CASP8: variants seen among roughly 807,000 people sequenced by gnomAD.
The protein encoded by CASP8 is caspase 8, also known as caspase-8.
Under a neutral mutation model 46.3 loss-of-function variants are expected in CASP8, and 24 were observed. The observed-to-expected ratio is 0.52, with a 90% CI of 0.38 to 0.73. CASP8 has a LOEUF of 0.73. Ranked by LOEUF, CASP8 falls within the 30% of genes least tolerant of loss-of-function variation. CASP8 has a pLI of 0.00. For synonymous variants in CASP8, 188 were observed against 200.4 expected (o/e 0.94, Z 0.52); for missense variants, 460 against 559.0 (o/e 0.82, Z 1.79).
In CASP8 at chr2:201,272,067, CTCTGTA is replaced by C. The variant is rs1296195275; in HGVS notation, c.411+448_411+453del. Among the ~76,000 whole-genome samples, 54 of 151,064 alleles carry C rather than the reference CTCTGTA, an allele frequency of 3.6e-4. No individual in the cohort carries two copies. The highest frequency in any genetic ancestry group is 1.3e-3 in the African/African-American group (53 of 41,122). On this transcript the variant is annotated intron_variant, in intron 3 of 8. Transcript: ENST00000673742. This position sits in a 1 kb window ranked among gnomAD's most constrained non-coding sequence, Gnocchi z 4.4. ...GTGTGATATGTGTATCTCTGTGTGTCTCTGTATAAGTGGTGTGTGTGTCTGTGTATC... is the reference window on the plus strand; with the variant it reads ...GTGTGATATGTGTATCTCTGTGTGTCTAAGTGGTGTGTGTGTCTGTGTATC...
At chr2:201,235,776 A>T (rs1016202197) in intron 2 of CASP8, among the ~76,000 whole-genome samples, 2 of 152,346 alleles carry the variant, frequency 1.3e-5, no homozygotes, top group East Asian at 1.9e-4. Context: ...TCAGTCAATG[A>T]CCGACCACAT....
chr2:201,284,914 C>A lies in CASP8; in HGVS notation c.901C>A (p.Leu301Ile), dbSNP rs936118434. The change falls in exon 8 of 9, where the codon CTC becomes ATC. Residue 301 changes from leucine to isoleucine, a missense_variant. Transcript: ENST00000673742. The part of the protein sequence containing the change: ...QIYEILKIYQ[L>I]MDHSNMDCFI... ...CTATGAGATTTTGAAAATCTACCAA[C>A]TCATGGACCACAGTAACATGGACTG... 6.2e-7 allele frequency: 1 copy of A among 1,614,018 alleles called. No homozygotes were observed. The highest frequency in any genetic ancestry group is 8.5e-7 in the Non-Finnish European group (1 of 1,180,028).
intron 6 of CASP8, among the ~76,000 whole-genome samples, chr2:201,276,181 A>G (rs1276719367): frequency 6.6e-6 from 1 of 152,168 alleles, no homozygotes; most frequent in African/African-American, 2.4e-5. Flanking sequence ...ACACAGCGCC[A>G]TCCCTGGCCA....
intron 2 of CASP8, among the ~76,000 whole-genome samples, chr2:201,244,576 T>G (rs1252520635): frequency 6.6e-6 from 1 of 152,026 alleles, no homozygotes; most frequent in Non-Finnish European, 1.5e-5. Context: ...AAAAAAAAAG[T>G]TTCTCTTCTG....
In CASP8 at chr2:201,266,343, T is replaced by A; in HGVS notation, c.-26-118T>A. The A allele has an allele frequency of 1.3e-6, 1 of 764,980 alleles. No individual in the cohort carries two copies. The highest frequency in any genetic ancestry group is 1.6e-5 in the South Asian group (1 of 62,528). The allele number at this position is 764,980 out of a possible 1,614,324, so 47.4% of individuals were successfully genotyped here. A position where few individuals can be genotyped will look rare whatever the true frequency, so the allele number is the denominator to read the frequency against. On this transcript the variant is annotated intron_variant, in intron 1 of 8. Coordinates refer to ENST00000673742, the MANE Select transcript of CASP8 (RefSeq NM_001372051.1). This position sits in a 1 kb window ranked among gnomAD's most constrained non-coding sequence, Gnocchi z 5.7. ...GGGAACTTGTCTGGTGTTCTTTTTT[T>A]CTCTCCTGTGCTGACAGCACAATGA...
Position 201,266,874 on chromosome 2 carries a change from T to G in CASP8, c.305+83T>G. On this transcript the variant is annotated intron_variant, in intron 2 of 8. Transcript: ENST00000673742. The surrounding 1 kb of genome is among the most constrained non-coding windows in gnomAD (Gnocchi z 5.7). ...AGCTGATTGGGGCTTTTTTTTGTGG[T>G]ACCCTGCCTAGTGCCTGGGAACCCA... The G allele has an allele frequency of 3.0e-6, 3 of 987,022 alleles. No individual in the cohort carries two copies. The highest frequency in any genetic ancestry group is 3.0e-6 in the Non-Finnish European group (2 of 668,392). 61.1% of individuals were successfully genotyped at this position (987,022 alleles called of 1,614,324 possible).
At chr2:201,278,504 AT>A (rs1392676522) in intron 7 of CASP8, among the ~76,000 whole-genome samples, 5 of 148,470 alleles carry the variant, frequency 3.4e-5, no homozygotes, top group African/African-American at 7.5e-5. Flanking sequence ...CATTTCAGTT[AT>A]TTTTTTCTAT....
chr2:201,259,839 A>G (rs186993734), upstream of CASP8, among the ~76,000 whole-genome samples: 3 of 152,150 alleles, frequency 2.0e-5, no homozygotes, highest in African/African-American at 7.2e-5. Flanking sequence ...ACCTTTGGTA[A>G]GATGGACTTA....
At chr2:201,238,013 A>G (rs934648191) in intron 2 of CASP8, among the ~76,000 whole-genome samples, 16 of 152,260 alleles carry the variant, frequency 1.1e-4, no homozygotes, top group African/African-American at 3.9e-4. Flanking sequence ...ATGTGCAAGA[A>G]GAACGTGAAT....
chr2:201,244,402 G>A (rs1946423290), intron 2 of CASP8, among the ~76,000 whole-genome samples: 1 of 152,202 alleles, frequency 6.6e-6, no homozygotes, highest in Admixed American at 6.5e-5. Context: ...AGAGAAGGAA[G>A]GTTAGATTCC....
intron 7 of CASP8, among the ~76,000 whole-genome samples, chr2:201,279,165 A>T (rs544911570): frequency 6.6e-6 from 1 of 152,356 alleles, no homozygotes; most frequent in African/African-American, 2.4e-5. Context: ...AGATTCTTTG[A>T]AAGCCTATAT....
chr2:201,260,470 G>A (rs184512527), upstream of CASP8: 1,181 of 887,764 alleles, frequency 1.3e-3, 15 homozygotes, highest in Middle Eastern at 0.018. Flanking sequence ...CCCCTCTAGT[G>A]TTTGTGACTC....
chr2:201,285,380 C>CTACT, intron 8 of CASP8, 63 bp downstream of exon 8: 1 of 1,554,724 alleles, frequency 6.4e-7, no homozygotes, highest in Middle Eastern at 2.3e-4. Context: ...CTCCATCACA[C>CTACT]TACTATCTAC....
In CASP8 at chr2:201,266,706, T is replaced by C; in HGVS notation, c.220T>C (p.Leu74=). The C allele has an allele frequency of 1.9e-6, 3 of 1,614,142 alleles. No individual in the cohort carries two copies. Among genetic ancestry groups the C allele is most frequent in the Non-Finnish European group, 2.5e-6 (3 of 1,180,004 alleles). The change falls in exon 2 of 9, where the codon TTG becomes CTG. Residue 74 remains leucine (L), a synonymous_variant. Coordinates refer to ENST00000673742, the MANE Select transcript of CASP8 (RefSeq NM_001372051.1). This position sits in a 1 kb window ranked among gnomAD's most constrained non-coding sequence, Gnocchi z 5.7. ...ELLFRINRLD[L]LITYLNTRKE... ...GCTCTTCCGAATTAATAGACTGGATTTGCTGATTACCTACCTAAACACTAG... is the reference window on the plus strand; with the variant it reads ...GCTCTTCCGAATTAATAGACTGGATCTGCTGATTACCTACCTAAACACTAG...
intron 2 of CASP8, among the ~76,000 whole-genome samples, chr2:201,267,240 G>C (rs1947887007): frequency 6.6e-6 from 1 of 151,866 alleles, no homozygotes; most frequent in Non-Finnish European, 1.5e-5. Flanking sequence ...GATGCCTCTC[G>C]ATATCCAGAT....
At chr2:201,262,978 C>CT (rs1947531148) in intron 1 of CASP8, among the ~76,000 whole-genome samples, 1 of 152,210 alleles carries the variant, frequency 6.6e-6, no homozygotes, top group African/African-American at 2.4e-5. Context: ...GCCACGTTAG[C>CT]ATTTTCCCTT....
At chr2:201,238,403 G>C (rs1946147389) in intron 2 of CASP8, among the ~76,000 whole-genome samples, 1 of 152,056 alleles carries the variant, frequency 6.6e-6, no homozygotes, top group Non-Finnish European at 1.5e-5. Context: ...ATGAAACCCT[G>C]AAACATTTAT....
At chr2:201,286,133 G>A (rs934677772) in intron 8 of CASP8, among the ~76,000 whole-genome samples, 12 of 152,330 alleles carry the variant, frequency 7.9e-5, no homozygotes, top group African/African-American at 2.9e-4. Flanking sequence ...GAGTATTGGG[G>A]GGCATTGAAG....
chr2:201,283,654 C>T (rs1242945982), intron 7 of CASP8, among the ~76,000 whole-genome samples: 1 of 88,314 alleles, frequency 1.1e-5, no homozygotes, highest in Non-Finnish European at 2.7e-5. Flanking sequence ...CGGGCAGAGG[C>T]GCCCCTCACC....
Sources: allele counts gnomAD v4.1 joint callset (sites outside exome capture counted in the v4.1 genomes callset), GRCh38; gene constraint gnomAD v4.1.1; non-coding constraint Gnocchi (gnomAD v3.1); transcripts MANE v1.5; gene names NCBI Gene and HGNC (gene_info 2026-07-23, HGNC 2026-07-21).